The following STPG2 variants were observed in gnomAD, a reference collection of about 807,000 sequenced individuals.
STPG2 encodes sperm tail PG-rich repeat containing 2, also known as sperm-tail PG-rich repeat-containing protein 2.
In STPG2, 56 loss-of-function variants were observed where a neutral mutation model predicts 54.2. That is an observed-to-expected ratio of 1.03 (90% CI 0.83 to 1.29). The LOEUF is 1.29. Among genes scored for constraint, STPG2 ranks in the 50% most tolerant of loss-of-function variants. STPG2 has a pLI of 0.00. For synonymous variants in STPG2, 200 were observed against 181.8 expected, an observed-to-expected ratio of 1.10 and a Z score of -0.81; for missense variants, 596 against 544.9, an observed-to-expected ratio of 1.09 and a Z score of -0.93.
rs143713032 is a variant in STPG2, at chr4:97,705,389, G to A, written c.1320+7310C>T. ...TACCCAGGCTGGAGTGCAGTGGCGCGATCTCGGCTCACTGCAACCTCCATC... is the reference window on the plus strand; with the variant it reads ...TACCCAGGCTGGAGTGCAGTGGCGCAATCTCGGCTCACTGCAACCTCCATC... On this transcript the variant is annotated intron_variant, in intron 10 of 10. Transcript: ENST00000295268. 1.4e-3 allele frequency among the ~76,000 whole-genome samples: 210 copies of A among 151,626 alleles called. 1 individual carries two copies. The highest frequency in any genetic ancestry group is 2.2e-3 in the Non-Finnish European group (150 of 67,934).
intron 4 of STPG2, among the ~76,000 whole-genome samples, chr4:97,532,165 T>A (rs1057372680): frequency 2.6e-5 from 4 of 152,140 alleles, no homozygotes; most frequent in Non-Finnish European, 5.9e-5. Context: ...AAATAGACTT[T>A]TATGTTATTT....
At chr4:97,607,258 C>CCT (rs200058197) in intron 10 of STPG2, among the ~76,000 whole-genome samples, 435 of 142,630 alleles carry the variant, frequency 3.0e-3, no homozygotes, top group Non-Finnish European at 4.4e-3. Flanking sequence ...AGCTGTGTTT[C>CCT]CTCTCTCTCT....
At chr4:98,008,897 A>T (rs114632579) in intron 5 of STPG2, among the ~76,000 whole-genome samples, 2,400 of 152,158 alleles carry the variant, frequency 0.016, 57 homozygotes, top group African/African-American at 0.055. Context: ...GGAAGCTATC[A>T]ATCTGTTCTA....
intron 6 of STPG2, among the ~76,000 whole-genome samples, chr4:97,974,945 C>T (rs1039634906): frequency 6.6e-6 from 1 of 152,070 alleles, no homozygotes; most frequent in Non-Finnish European, 1.5e-5. Flanking sequence ...ATGTGCTACA[C>T]CCAAACCATG....
At chr4:97,826,106 G>A (rs1728252373) in intron 9 of STPG2, among the ~76,000 whole-genome samples, 1 of 152,142 alleles carries the variant, frequency 6.6e-6, no homozygotes, top group Admixed American at 6.5e-5. Flanking sequence ...TCTGTCTGAT[G>A]TCATAGGCTC....
rs1730943808 is a variant in STPG2, at chr4:97,510,228, G to A, written c.462+202471C>T. On this transcript the variant is annotated intron_variant, in intron 4 of 4. Coordinates refer to the STPG2 transcript ENST00000522676. ...ATGAAGAAGGGTTAACATTACCAGGGTAAGTTGATACATTCTTGTCAGGCT... is the reference window on the plus strand; with the variant it reads ...ATGAAGAAGGGTTAACATTACCAGGATAAGTTGATACATTCTTGTCAGGCT... Among the ~76,000 whole-genome samples the A allele has an allele frequency of 1.3e-5, 2 of 152,072 alleles. 1 individual carries two copies. Among genetic ancestry groups the A allele is most frequent in the South Asian group, 4.1e-4 (2 of 4,830 alleles).
At chr4:97,662,923 C>G (rs1025928898) in intron 10 of STPG2, among the ~76,000 whole-genome samples, 1 of 151,816 alleles carries the variant, frequency 6.6e-6, no homozygotes, top group African/African-American at 2.4e-5. Context: ...ACATGTACCC[C>G]GAATATAAAA....
At chr4:98,049,124 A>G (rs1208558221) in intron 5 of STPG2, 1 of 152,222 alleles carries the variant, frequency 6.6e-6, no homozygotes, top group Non-Finnish European at 1.5e-5. Context: ...AGAAAAACAA[A>G]AAAACTTAAT....
chr4:97,697,058 A>G (rs1331555742), intron 10 of STPG2, among the ~76,000 whole-genome samples: 1 of 152,160 alleles, frequency 6.6e-6, no homozygotes, highest in African/African-American at 2.4e-5. Context: ...TTTAGCTTGA[A>G]TTGCACCTCT....
chr4:97,743,129 T>C (rs1725317433), intron 9 of STPG2, among the ~76,000 whole-genome samples: 1 of 151,758 alleles, frequency 6.6e-6, no homozygotes, highest in Non-Finnish European at 1.5e-5. Context: ...CAATTCTAGT[T>C]TTCTTTTATT....
At chr4:97,719,063 T>A (rs1724372529) in intron 9 of STPG2, among the ~76,000 whole-genome samples, 1 of 151,944 alleles carries the variant, frequency 6.6e-6, no homozygotes, top group South Asian at 2.1e-4. Context: ...GTAATGCAAA[T>A]CTAAGATCCA....
intron 4 of STPG2, among the ~76,000 whole-genome samples, chr4:97,521,744 T>C (rs935963577): frequency 9.2e-5 from 14 of 152,020 alleles, no homozygotes; most frequent in African/African-American, 2.9e-4. Flanking sequence ...ACAGGATGAA[T>C]TGAAATTCAC....
At chr4:98,078,172 T>C (rs981331283) in intron 5 of STPG2, among the ~76,000 whole-genome samples, 2 of 152,170 alleles carry the variant, frequency 1.3e-5, no homozygotes, top group African/African-American at 4.8e-5. Context: ...GGGAACTGTG[T>C]TTCTACTAAA....
chr4:97,899,652 C>A (rs1230733972), intron 8 of STPG2, among the ~76,000 whole-genome samples: 1 of 151,654 alleles, frequency 6.6e-6, no homozygotes, highest in Non-Finnish European at 1.5e-5. Context: ...GAATAGAGCA[C>A]CCAGAAATAA....
chr4:97,713,528 GA>G (rs1724197163), intron 9 of STPG2, among the ~76,000 whole-genome samples: 1 of 152,224 alleles, frequency 6.6e-6, no homozygotes. Flanking sequence ...AAATAGTCAT[GA>G]AAAGTGGTAG....
rs1437252820 is a variant in STPG2, at chr4:97,786,309, ATTAAT to A, written c.1204+54459_1204+54463del. On this transcript the variant is annotated intron_variant, in intron 9 of 10. Coordinates refer to ENST00000295268, the MANE Select transcript of STPG2 (RefSeq NM_174952.3). ...AATGTATAACATGGTATATCTCTCAATTAATTTACTTTCTTAATTTTTTTCAGTGA... is the reference window on the plus strand; with the variant it reads ...AATGTATAACATGGTATATCTCTCAATTACTTTCTTAATTTTTTTCAGTGA... Among the ~76,000 whole-genome samples the A allele has an allele frequency of 4.6e-5, 7 of 151,894 alleles. No homozygotes were observed. In the South Asian group the frequency reaches 6.2e-4, roughly 14 times the overall value.
chr4:97,621,418 A>G (rs1734006979), intron 10 of STPG2, among the ~76,000 whole-genome samples: 1 of 152,116 alleles, frequency 6.6e-6, no homozygotes, highest in Admixed American at 6.6e-5. Context: ...GAAGATTCAA[A>G]TAAATGCAAT....
chr4:97,820,284 T>G (rs1420733419), intron 9 of STPG2, among the ~76,000 whole-genome samples: 2 of 152,034 alleles, frequency 1.3e-5, no homozygotes, highest in African/African-American at 4.8e-5. Context: ...CCCATCTCTC[T>G]CCCTCCCCTC....
intron 8 of STPG2, among the ~76,000 whole-genome samples, chr4:97,922,995 C>T (rs1732165231): frequency 6.6e-6 from 1 of 152,088 alleles, no homozygotes; most frequent in Non-Finnish European, 1.5e-5. Flanking sequence ...ATTTTTCTAC[C>T]AAAGTCATTT....
Sources: allele counts gnomAD v4.1 joint callset (sites outside exome capture counted in the v4.1 genomes callset), GRCh38; gene constraint gnomAD v4.1.1; transcripts MANE v1.5; gene names NCBI Gene and HGNC (gene_info 2026-07-23, HGNC 2026-07-21).